The following RGS7 variants were observed in gnomAD, a reference collection of about 807,000 sequenced individuals.
The protein encoded by RGS7 is regulator of G protein signaling 7, also known as regulator of G-protein signaling 7.
RGS7 carries 27 observed loss-of-function variants against 81.1 expected under a neutral mutation model. The ratio of observed to expected loss-of-function variants is 0.33; its 90% CI spans 0.25 to 0.46. The LOEUF is 0.46. RGS7 is among the 20% of genes least tolerant of loss of function. The probability of loss-of-function intolerance (pLI) is 1.00; values close to 1 mark genes in which losing one functional copy is unlikely to be tolerated. For synonymous variants in RGS7, 208 were observed against 207.7 expected (o/e 1.00, Z -0.01); for missense variants, 396 against 607.4 (o/e 0.65, Z 3.66).
intron 2 of RGS7, among the ~76,000 whole-genome samples, chr1:241,143,303 A>G (rs1357682684): frequency 6.6e-6 from 1 of 152,134 alleles, no homozygotes; most frequent in African/African-American, 2.4e-5. Flanking sequence ...CTACTGGTCA[A>G]TTTACTGTAT....
intron 2 of RGS7, among the ~76,000 whole-genome samples, chr1:241,318,911 A>G (rs2081048793): frequency 6.6e-6 from 1 of 152,250 alleles, no homozygotes; most frequent in Non-Finnish European, 1.5e-5. Context: ...GCCCTTTAAA[A>G]ATGCACGACA....
intron 2 of RGS7, among the ~76,000 whole-genome samples, chr1:241,104,492 A>G (rs1029215642): frequency 3.3e-5 from 5 of 152,230 alleles, no homozygotes; most frequent in African/African-American, 1.2e-4. Context: ...AATCATATTT[A>G]GAAAGGGAAA....
chr1:241,221,869 A>C (rs1301267700), intron 2 of RGS7, among the ~76,000 whole-genome samples: 1 of 152,180 alleles, frequency 6.6e-6, no homozygotes, highest in African/African-American at 2.4e-5. Flanking sequence ...CCAATTCCTT[A>C]AAATAAATCT....
At chr1:240,822,521 C>G (rs1161868686) in intron 10 of RGS7, among the ~76,000 whole-genome samples, 1 of 152,182 alleles carries the variant, frequency 6.6e-6, no homozygotes, top group Non-Finnish European at 1.5e-5. Flanking sequence ...GGTTTCTTCC[C>G]TGTAGGTTTA....
intron 2 of RGS7, among the ~76,000 whole-genome samples, chr1:241,337,622 C>T (rs796085320): frequency 2.0e-5 from 3 of 152,162 alleles, no homozygotes; most frequent in Admixed American, 6.5e-5. Flanking sequence ...ACTAAATGCA[C>T]GGTTTCCAAA....
intron 3 of RGS7, among the ~76,000 whole-genome samples, chr1:240,986,161 G>T (rs139502713): frequency 6.6e-6 from 1 of 152,062 alleles, no homozygotes; most frequent in Admixed American, 6.6e-5. Context: ...TTTTAGAGTT[G>T]CAGAGCTTTG....
intron 2 of RGS7, among the ~76,000 whole-genome samples, chr1:241,298,816 G>T (rs1417737079): frequency 6.6e-6 from 1 of 152,150 alleles, no homozygotes; most frequent in African/African-American, 2.4e-5. Flanking sequence ...TATCAGTAAA[G>T]TCAACGCTCT....
At chr1:241,151,022 C>A (rs767149563) in intron 2 of RGS7, among the ~76,000 whole-genome samples, 3 of 152,140 alleles carry the variant, frequency 2.0e-5, no homozygotes. Context: ...GAGTCTGCCC[C>A]CTCCTTCCAC....
At chr1:241,200,174 T>C (rs1573096640) in intron 2 of RGS7, among the ~76,000 whole-genome samples, 1 of 152,100 alleles carries the variant, frequency 6.6e-6, no homozygotes, top group African/African-American at 2.4e-5. Context: ...CAAACAACTA[T>C]AACAGGTGAT....
In RGS7 at chr1:241,347,837, T is replaced by C. The variant is rs181147240; in HGVS notation, c.78+7862A>G. On this transcript the variant is annotated intron_variant, in intron 2 of 18. Transcript: ENST00000440928. ...ATAATCAGTGTCATTTACCATTATA[T>C]CTACCATTCCCTTACGAGGCCATGG... is the stretch of plus-strand genomic sequence containing the variant. Among the ~76,000 whole-genome samples the C allele has an allele frequency of 2.6e-4, 39 of 152,334 alleles. No homozygotes were observed. In the East Asian group the frequency reaches 6.9e-3, roughly 27 times the overall value.
chr1:241,254,659 T>TCAGTC (rs1305795366), intron 2 of RGS7, among the ~76,000 whole-genome samples: 1 of 152,136 alleles, frequency 6.6e-6, no homozygotes, highest in African/African-American at 2.4e-5. Context: ...ACACAAACAT[T>TCAGTC]CAGTCCATAG....
rs114634873 is a variant in RGS7, at chr1:240,838,509, T to C, written c.610-11337A>G. Among the ~76,000 whole-genome samples, 1,203 of 152,318 alleles carry C rather than the reference T, an allele frequency of 7.9e-3. 9 individuals are homozygous for C. Among genetic ancestry groups the C allele is most frequent in the Middle Eastern group, 0.021 (6 of 292 alleles). On this transcript the variant is annotated intron_variant, in intron 9 of 18. Transcript: ENST00000440928. ...GTAAAGAAGATTAATTTCAAAGATA[T>C]ACTCTGTTGCATTCAACTTGATTTC...
chr1:240,900,105 G>A (rs1195931904), intron 6 of RGS7, among the ~76,000 whole-genome samples: 1 of 152,094 alleles, frequency 6.6e-6, no homozygotes, highest in Non-Finnish European at 1.5e-5. Context: ...TATGTGTCAC[G>A]TAGTTCTCAT....
At position 241,318,918 on chromosome 1, in the gene RGS7, G is replaced by T. The variant is rs145716003; in HGVS notation, c.78+36781C>A. On this transcript the variant is annotated intron_variant, in intron 2 of 18. Coordinates refer to ENST00000440928, the MANE Select transcript of RGS7 (RefSeq NM_001364886.1). ...TGGACTTAGCCCTTTAAAAATGCACGACACTTAATTTTTTTTTAACAAAAA... is the reference window on the plus strand; with the variant it reads ...TGGACTTAGCCCTTTAAAAATGCACTACACTTAATTTTTTTTTAACAAAAA... Among the ~76,000 whole-genome samples, 390 of 152,148 alleles carry T rather than the reference G, an allele frequency of 2.6e-3. 3 individuals carry two copies. Among genetic ancestry groups the T allele is most frequent in the African/African-American group, 9.2e-3 (381 of 41,498 alleles).
intron 2 of RGS7, among the ~76,000 whole-genome samples, chr1:241,205,375 C>G (rs965151182): frequency 6.6e-6 from 1 of 151,428 alleles, no homozygotes; most frequent in Non-Finnish European, 1.5e-5. Flanking sequence ...CCACTGTAAC[C>G]GACTGCATTT....
At chr1:240,810,090 C>T (rs1236128734) in intron 14 of RGS7, among the ~76,000 whole-genome samples, 1 of 152,114 alleles carries the variant, frequency 6.6e-6, no homozygotes, top group Non-Finnish European at 1.5e-5. Context: ...TGGTTTATCT[C>T]CTCCCCATTG....
rs1691164729 is a variant in RGS7, at chr1:240,818,221, C to G, written c.685-1806G>C. On this transcript the variant is annotated intron_variant, in intron 10 of 18. Transcript: ENST00000440928. ...CTTTTATTTCATTTATTTTTTCACT[C>G]ATTCATTCATTCATTCAACATTTAT... 2.0e-5 allele frequency among the ~76,000 whole-genome samples: 3 copies of G among 152,084 alleles called. No homozygotes were observed. The South Asian group carries it at 6.2e-4, about 32-fold the overall frequency.
chr1:241,052,702 T>A (rs1200514206), intron 3 of RGS7, among the ~76,000 whole-genome samples: 2 of 138,034 alleles, frequency 1.4e-5, no homozygotes, highest in Non-Finnish European at 3.2e-5. Flanking sequence ...TCTTAACAAT[T>A]CCCCCCCAAA....
rs568782616 is a variant in RGS7 at position 241,345,343 on chromosome 1, T to C, written c.78+10356A>G. 1.7e-4 allele frequency among the ~76,000 whole-genome samples: 26 copies of C among 152,286 alleles called. 1 individual carries two copies. In the South Asian group the frequency reaches 4.6e-3, roughly 27 times the overall value. ...ATCTGTACAACAAACCCCCATGATATGGGTTTACCTATATATCAAACCTGC... is the reference window on the plus strand; with the variant it reads ...ATCTGTACAACAAACCCCCATGATACGGGTTTACCTATATATCAAACCTGC... On this transcript the variant is annotated intron_variant, in intron 2 of 18. Transcript: ENST00000440928.
Sources: allele counts gnomAD v4.1 joint callset (sites outside exome capture counted in the v4.1 genomes callset), GRCh38; gene constraint gnomAD v4.1.1; transcripts MANE v1.5; gene names NCBI Gene and HGNC (gene_info 2026-07-23, HGNC 2026-07-21).